MEIKIN: variants seen among roughly 807,000 people sequenced by gnomAD.
MEIKIN encodes the protein meiotic kinetochore factor, also known as meiosis-specific kinetochore protein.
Position 131,905,373 on chromosome 5 carries a change from C to T in MEIKIN, c.703+6442G>A, listed in dbSNP as rs150400487. ...ATAACTCAAATTAACAACCTAATAC[C>T]GCAACTAGAGGAACTAGAAAAACAA... On this transcript the variant is annotated intron_variant, in intron 8 of 12. Coordinates refer to ENST00000442687, the MANE Select transcript of MEIKIN (RefSeq NM_001303622.2). Among the ~76,000 whole-genome samples the T allele has an allele frequency of 3.9e-3, 589 of 151,790 alleles. 4 individuals are homozygous for T. Among genetic ancestry groups the T allele is most frequent in the African/African-American group, 0.014 (559 of 41,396 alleles).
At chr5:131,917,889 C>G (rs954869753) in intron 6 of MEIKIN, among the ~76,000 whole-genome samples, 1 of 152,098 alleles carries the variant, frequency 6.6e-6, no homozygotes, top group African/African-American at 2.4e-5. Context: ...TACAGTGGAC[C>G]CTCATCATCT....
intron 12 of MEIKIN, among the ~76,000 whole-genome samples, chr5:131,814,235 T>C (rs533381223): frequency 6.6e-5 from 10 of 151,380 alleles, no homozygotes; most frequent in African/African-American, 2.4e-4. Flanking sequence ...CAGTAATCCA[T>C]CACAAGTGGA....
At chr5:131,930,077 C>T (rs189453081) in intron 5 of MEIKIN, among the ~76,000 whole-genome samples, 61 of 152,294 alleles carry the variant, frequency 4.0e-4, no homozygotes, top group Non-Finnish European at 7.2e-4. Context: ...GTTCTAGGTT[C>T]TTTGAGAAAT....
In MEIKIN at chr5:131,848,204, T is replaced by C. The variant is rs141371790; in HGVS notation, c.975+3060A>G. ...GAGCAGACAGAAACAAAATAGAGAA[T>C]AGAAAATCATAAGGAAAATCAATCA... On this transcript the variant is annotated intron_variant, in intron 11 of 12. Transcript: ENST00000442687. Among the ~76,000 whole-genome samples, 487 of 151,996 alleles carry C rather than the reference T, an allele frequency of 3.2e-3. 3 individuals carry two copies. Among genetic ancestry groups the C allele is most frequent in the African/African-American group, 0.011 (462 of 41,510 alleles).
At chr5:131,906,628 A>G (rs1045316314) in intron 8 of MEIKIN, among the ~76,000 whole-genome samples, 2 of 152,230 alleles carry the variant, frequency 1.3e-5, no homozygotes, top group African/African-American at 4.8e-5. Context: ...ATGTTCATCA[A>G]TGGTAGACTA....
chr5:131,881,145 AAAGT>A (rs1750697149), intron 8 of MEIKIN, among the ~76,000 whole-genome samples: 1 of 152,216 alleles, frequency 6.6e-6, no homozygotes, highest in South Asian at 2.1e-4. Flanking sequence ...GACAAAAAAG[AAAGT>A]GTTAAGGATA....
At chr5:131,893,045 C>G (rs1205804234) in intron 8 of MEIKIN, among the ~76,000 whole-genome samples, 1 of 152,222 alleles carries the variant, frequency 6.6e-6, no homozygotes, top group African/African-American at 2.4e-5. Context: ...TGGTGAACCA[C>G]AAATGCTGCT....
intron 5 of MEIKIN, among the ~76,000 whole-genome samples, chr5:131,923,107 CA>C (rs1249485949): frequency 6.6e-6 from 1 of 152,194 alleles, no homozygotes; most frequent in Admixed American, 6.5e-5. Context: ...AGGCTTGTCT[CA>C]AACTCCTGAC....
At chr5:131,939,952 C>T (rs1045901794) in intron 4 of MEIKIN, among the ~76,000 whole-genome samples, 2 of 152,148 alleles carry the variant, frequency 1.3e-5, no homozygotes, top group East Asian at 1.9e-4. Context: ...TTGAGACATT[C>T]GACAATTATT....
chr5:131,811,172 C>T (rs1414146938), intron 12 of MEIKIN, among the ~76,000 whole-genome samples: 1 of 152,068 alleles, frequency 6.6e-6, no homozygotes, highest in Non-Finnish European at 1.5e-5. Context: ...GTAAATTAAA[C>T]TAAAAAACTT....
At chr5:131,874,346 C>A (rs1404882748) in intron 9 of MEIKIN, among the ~76,000 whole-genome samples, 1 of 152,136 alleles carries the variant, frequency 6.6e-6, no homozygotes, top group Non-Finnish European at 1.5e-5. Context: ...TACAAACTAC[C>A]ATCAGAGAAT....
intron 11 of MEIKIN, among the ~76,000 whole-genome samples, chr5:131,822,224 CT>C (rs747122454): frequency 6.6e-6 from 1 of 150,704 alleles, no homozygotes; most frequent in South Asian, 2.1e-4. Context: ...GTCTTGTTTT[CT>C]TTTTTTTAAT....
chr5:131,843,835 A>G (rs1749962045), intron 11 of MEIKIN, among the ~76,000 whole-genome samples: 1 of 152,200 alleles, frequency 6.6e-6, no homozygotes, highest in Non-Finnish European at 1.5e-5. Context: ...CAAAGCTGCT[A>G]TCATATTTTC....
intron 9 of MEIKIN, among the ~76,000 whole-genome samples, chr5:131,874,613 GA>G (rs1222370703): frequency 1.3e-5 from 2 of 152,114 alleles, no homozygotes; most frequent in Non-Finnish European, 2.9e-5. Flanking sequence ...CCAATCAATA[GA>G]AAAAGAGGGA....
At chr5:131,891,122 G>A (rs201925157) in intron 8 of MEIKIN, among the ~76,000 whole-genome samples, 12 of 152,180 alleles carry the variant, frequency 7.9e-5, no homozygotes, top group East Asian at 7.7e-4. Context: ...TTGCTGAGGA[G>A]TGTTTTACTT....
intron 11 of MEIKIN, among the ~76,000 whole-genome samples, chr5:131,821,612 T>A (rs1749506225): frequency 6.6e-6 from 1 of 151,426 alleles, no homozygotes; most frequent in Non-Finnish European, 1.5e-5. Flanking sequence ...CTCTAGCTAT[T>A]GTTATATTGA....
At chr5:131,863,133 A>G (rs1405597939) in intron 9 of MEIKIN, among the ~76,000 whole-genome samples, 1 of 152,072 alleles carries the variant, frequency 6.6e-6, no homozygotes, top group Admixed American at 6.5e-5. Context: ...ATTTTATTCC[A>G]TTGTGGCCTG....
intron 5 of MEIKIN, among the ~76,000 whole-genome samples, chr5:131,925,953 C>T (rs1751580393): frequency 6.6e-6 from 1 of 152,158 alleles, no homozygotes; most frequent in Non-Finnish European, 1.5e-5. Context: ...AGGTGTGAGC[C>T]ACCACACCCA....
intron 5 of MEIKIN, among the ~76,000 whole-genome samples, chr5:131,932,317 AT>A (rs1751703974): frequency 6.6e-6 from 1 of 152,162 alleles, no homozygotes; most frequent in Non-Finnish European, 1.5e-5. Context: ...TTTTGTTTCC[AT>A]GTCTATTAGT....
Sources: gnomAD v4.1 joint callset for allele counts (sites outside exome capture counted in the v4.1 genomes callset) on GRCh38, gnomAD v4.1.1 for gene constraint, MANE v1.5 for transcripts, NCBI Gene and HGNC (gene_info 2026-07-23, HGNC 2026-07-21) for gene names.